The following ZNF226 variants were observed in gnomAD, a reference collection of about 807,000 sequenced individuals.
ZNF226 encodes zinc finger protein 226, also known as Kruppel-associated box protein.
ZNF226 carries 6 observed loss-of-function variants against 11.4 expected under a neutral mutation model. The observed-to-expected ratio is 0.53, with a 90% CI of 0.29 to 1.04. The LOEUF (loss-of-function observed/expected upper bound fraction) is 1.04, where lower values mean the gene tolerates loss of function less well. Ranked by LOEUF, ZNF226 falls within the 50% of genes least tolerant of loss-of-function variation. The probability of loss-of-function intolerance (pLI) is 0.08; values close to 1 mark genes in which losing one functional copy is unlikely to be tolerated. For missense variants in ZNF226, 1,058 were observed against 956.5 expected, an observed-to-expected ratio of 1.11 and a Z score of -1.40; for synonymous variants, 350 against 322.8, an observed-to-expected ratio of 1.08 and a Z score of -0.90.
In ZNF226 at chr19:44,176,708, A is replaced by T; in HGVS notation, c.1446A>T (p.Lys482Asn). 6.2e-7 allele frequency: 1 copy of T among 1,613,742 alleles called. No homozygotes were observed. Among genetic ancestry groups the T allele is most frequent in the Non-Finnish European group, 8.5e-7 (1 of 1,179,942 alleles). Residue 482 changes from lysine (K) to asparagine (N), a missense_variant, in exon 6 of 6, where the codon AAA becomes AAT. Transcript: ENST00000337433. ...CATACATATGTACTGTATGTGGGAA[A>T]GGCTTTACTCTGAGTTCAAATCTTC... ...EKSYICTVCG[K>N]GFTLSSNLQA... is the part of the protein sequence containing the mutation.
At chr19:44,169,295 G>A (rs1568563879) in intron 2 of ZNF226, among the ~76,000 whole-genome samples, 1 of 152,102 alleles carries the variant, frequency 6.6e-6, no homozygotes, top group Non-Finnish European at 1.5e-5. Flanking sequence ...ACAGGCATGA[G>A]CCACTGTGCC....
At chr19:44,167,123 G>A (rs1054754773) in intron 2 of ZNF226, among the ~76,000 whole-genome samples, 2 of 152,146 alleles carry the variant, frequency 1.3e-5, no homozygotes, top group Non-Finnish European at 2.9e-5. Context: ...GAAACTCAGA[G>A]TCCTGAAGAT....
In ZNF226 at chr19:44,177,180, G is replaced by A; in HGVS notation, c.1918G>A (p.Glu640Lys). 3 of 1,614,048 alleles carry A rather than the reference G, an allele frequency of 1.9e-6. No individual in the cohort carries two copies. Among genetic ancestry groups the A allele is most frequent in the East Asian group, 2.2e-5 (1 of 44,858 alleles). ...LLAHQRVHSG[E>K]KPFKCEECGK... ...GGCCCATCAGAGAGTCCACAGTGGA[G>A]AAAAACCATTCAAATGTGAAGAATG... The change falls in exon 6 of 6, where the codon GAA becomes AAA. Residue 640 changes from glutamate (E) to lysine (K), a missense_variant. By Grantham distance (56) the Glu-to-Lys change is moderately conservative. Transcript: ENST00000337433.
downstream of ZNF226, among the ~76,000 whole-genome samples, chr19:44,182,976 G>A (rs1970930161): frequency 2.0e-5 from 3 of 152,146 alleles, no homozygotes; most frequent in African/African-American, 4.8e-5. Flanking sequence ...TACATAATGT[G>A]AATGAGTTCT....
the ZNF226 span, among the ~76,000 whole-genome samples, chr19:44,192,340 A>G: frequency 6.6e-6 from 1 of 152,138 alleles, no homozygotes; most frequent in African/African-American, 2.4e-5. Context: ...GAGGTGAGAG[A>G]GGGAGAGAGT....
chr19:44,193,447 T>C, the ZNF226 span, among the ~76,000 whole-genome samples: 1 of 152,128 alleles, frequency 6.6e-6, no homozygotes, highest in Non-Finnish European at 1.5e-5. Context: ...TGCTAATCTT[T>C]TTTTTTTCTT....
chr19:44,184,310 G>A, the ZNF226 span, among the ~76,000 whole-genome samples: 72 of 152,290 alleles, frequency 4.7e-4, no homozygotes, highest in Middle Eastern at 3.4e-3. Context: ...GGCCGGGTGC[G>A]GTTGCTCATG....
At chr19:44,175,385 A>T in intron 5 of ZNF226, 113 bp from the exon 6 acceptor site, 1 of 1,438,458 alleles carries the variant, frequency 7.0e-7, no homozygotes, top group Non-Finnish European at 9.1e-7. Context: ...GTCACAAAAG[A>T]TGAGCAGAAC....
Position 44,176,776 on chromosome 19 carries a change from G to T in ZNF226, c.1514G>T (p.Cys505Phe). 2.5e-6 allele frequency: 4 copies of T among 1,614,048 alleles called. No individual in the cohort carries two copies. The highest frequency in any genetic ancestry group is 3.4e-6 in the Non-Finnish European group (4 of 1,180,004). ...RVHTGEKPYK[C>F]NECGKSFRRN... ...CACACTGGAGAGAAGCCATACAAAT[G>T]CAATGAGTGTGGGAAGAGCTTCAGG... is the stretch of plus-strand genomic sequence containing the variant. The change falls in exon 6 of 6, where the codon TGC becomes TTC. Residue 505 changes from cysteine (C) to phenylalanine (F), a missense_variant. Cys to Phe is a radical substitution (Grantham distance 205). Transcript: ENST00000337433.
At chr19:44,168,109 T>C (rs1342044952) in intron 2 of ZNF226, among the ~76,000 whole-genome samples, 2 of 152,214 alleles carry the variant, frequency 1.3e-5, no homozygotes, top group Non-Finnish European at 1.5e-5. Context: ...GTAGGATGTA[T>C]TTCTCTCTGT....
At chr19:44,185,053 A>G in the ZNF226 span, among the ~76,000 whole-genome samples, 2 of 152,334 alleles carry the variant, frequency 1.3e-5, no homozygotes, top group East Asian at 3.9e-4. Flanking sequence ...TTCACTTAGC[A>G]TAATGTTCTC....
the ZNF226 span, among the ~76,000 whole-genome samples, chr19:44,184,543 C>A: frequency 2.6e-5 from 4 of 151,204 alleles, no homozygotes; most frequent in African/African-American, 9.7e-5. Flanking sequence ...GATTGCGCCA[C>A]TGCACTCCAG....
the ZNF226 span, among the ~76,000 whole-genome samples, chr19:44,198,814 C>CT: frequency 1.5e-4 from 23 of 152,002 alleles, no homozygotes; most frequent in African/African-American, 4.8e-4. Context: ...ACTTTTCTTT[C>CT]TTTTTTTTGA....
chr19:44,171,700 ACCTGACATGC>A (rs949986399), intron 3 of ZNF226, among the ~76,000 whole-genome samples: 3 of 152,184 alleles, frequency 2.0e-5, no homozygotes, highest in African/African-American at 7.2e-5. Context: ...TCATTCAGAA[ACCTGACATGC>A]CCTTTAGGTT....
At chr19:44,191,460 A>T in the ZNF226 span, among the ~76,000 whole-genome samples, 1 of 152,198 alleles carries the variant, frequency 6.6e-6, no homozygotes, top group African/African-American at 2.4e-5. Context: ...AAGAAAATAT[A>T]GCATCACTTT....
downstream of ZNF226, among the ~76,000 whole-genome samples, chr19:44,183,371 C>T (rs1174116603): frequency 6.6e-6 from 1 of 152,188 alleles, no homozygotes; most frequent in Non-Finnish European, 1.5e-5. Context: ...GCACCAGCTG[C>T]ATTCAATAGC....
At chr19:44,188,404 G>A in the ZNF226 span, among the ~76,000 whole-genome samples, 11 of 152,096 alleles carry the variant, frequency 7.2e-5, no homozygotes, top group Admixed American at 1.3e-4. Flanking sequence ...AGAATGAACC[G>A]TTGCATTTGT....
chr19:44,180,588 TC>T (rs2122540838), downstream of ZNF226, among the ~76,000 whole-genome samples: 1 of 152,322 alleles, frequency 6.6e-6, no homozygotes, highest in African/African-American at 2.4e-5. Context: ...CCAGCCCACT[TC>T]CTTAAAGGTT....
chr19:44,175,613 C>T lies in ZNF226; in HGVS notation c.351C>T (p.Ser117=). 1 of 1,613,852 alleles carries T rather than the reference C, an allele frequency of 6.2e-7. No individual in the cohort carries two copies. Among genetic ancestry groups the T allele is most frequent in the Non-Finnish European group, 8.5e-7 (1 of 1,179,818 alleles). The change falls in exon 6 of 6, where the codon TCC becomes TCT. Residue 117 remains serine (S), a synonymous_variant. Transcript: ENST00000337433. ...IANDLTRCQD[S]MINNSQCHKQ... ...ATGACTTAACCAGGTGTCAAGACTCCATGATCAATAATTCTCAGTGTCACA... is the reference window on the plus strand; with the variant it reads ...ATGACTTAACCAGGTGTCAAGACTCTATGATCAATAATTCTCAGTGTCACA...
Sources: gnomAD v4.1 joint callset for allele counts (sites outside exome capture counted in the v4.1 genomes callset) on GRCh38, gnomAD v4.1.1 for gene constraint, MANE v1.5 for transcripts, NCBI Gene and HGNC (gene_info 2026-07-23, HGNC 2026-07-21) for gene names.